Variants in GABBR2 observed in about 807,000 individuals in gnomAD.
The protein encoded by GABBR2 is gamma-aminobutyric acid type B receptor subunit 2.
Under a neutral mutation model 105.6 loss-of-function variants are expected in GABBR2, and 23 were observed. The ratio of observed to expected loss-of-function variants is 0.22; its 90% CI spans 0.16 to 0.31. The LOEUF (loss-of-function observed/expected upper bound fraction) is 0.31. Among genes scored for constraint, GABBR2 ranks in the 10% least tolerant of loss-of-function variants. GABBR2 has a pLI of 1.00. For synonymous variants in GABBR2, 478 were observed against 499.7 expected, an observed-to-expected ratio of 0.96 and a Z score of 0.58; for missense variants, 734 against 1,245.5, an observed-to-expected ratio of 0.59 and a Z score of 6.18.
chr9:98,388,654 TGTGTGTGC>T lies in GABBR2; in HGVS notation c.1529+192_1529+199del, dbSNP rs1271014725. 1.4e-5 allele frequency among the ~76,000 whole-genome samples: 2 copies of T among 143,074 alleles called. No homozygotes were observed. Among genetic ancestry groups the T allele is most frequent in the South Asian group, 2.2e-4 (1 of 4,622 alleles). The allele number at this position is 143,074 out of a possible 152,430, so 93.9% of individuals were successfully genotyped here. ...GTGTGTGTGTGTGTGTGTGTGTGTG[TGTGTGTGC>T]GTGCACGCACACACACGTACTCACA... On this transcript the variant is annotated intron_variant, in intron 10 of 18. Coordinates refer to ENST00000259455, the MANE Select transcript of GABBR2 (RefSeq NM_005458.8). This position sits in a 1 kb window ranked among gnomAD's most constrained non-coding sequence, Gnocchi z 4.4.
intron 3 of GABBR2, among the ~76,000 whole-genome samples, chr9:98,537,435 C>T (rs368914678): frequency 1.5e-4 from 22 of 151,672 alleles, no homozygotes; most frequent in South Asian, 1.0e-3. Context: ...TGGATTGTGG[C>T]GATGGTTGCA....
chr9:98,692,301 T>C (rs1191274631), intron 1 of GABBR2, among the ~76,000 whole-genome samples: 1 of 152,116 alleles, frequency 6.6e-6, no homozygotes, highest in Non-Finnish European at 1.5e-5. Context: ...CAGCATGAGG[T>C]CACCTCCCCT....
intron 3 of GABBR2, among the ~76,000 whole-genome samples, chr9:98,508,026 G>A (rs1289403863): frequency 2.0e-5 from 3 of 152,172 alleles, no homozygotes; most frequent in Non-Finnish European, 2.9e-5. Context: ...TTAGCCATCA[G>A]ACCTTATTGC....
At chr9:98,334,452 TCAC>T (rs1831080470) in intron 13 of GABBR2, among the ~76,000 whole-genome samples, 1 of 152,338 alleles carries the variant, frequency 6.6e-6, no homozygotes, top group African/African-American at 2.4e-5. Context: ...GCCAGTCAGG[TCAC>T]CTACTCAGCT....
intron 7 of GABBR2, among the ~76,000 whole-genome samples, chr9:98,422,333 C>T (rs1344070863): frequency 6.6e-6 from 1 of 152,190 alleles, no homozygotes; most frequent in Non-Finnish European, 1.5e-5. Context: ...CATGGGGCCT[C>T]AGGCACTTCT....
chr9:98,422,411 T>C (rs1194860091), intron 7 of GABBR2, among the ~76,000 whole-genome samples: 1 of 152,124 alleles, frequency 6.6e-6, no homozygotes, highest in Non-Finnish European at 1.5e-5. Flanking sequence ...TAAGTGTCCA[T>C]ATACTCTTTG....
rs555260923 is a variant in GABBR2 at position 98,323,847 on chromosome 9, G to A, written c.1894-12642C>T. 1.3e-4 allele frequency among the ~76,000 whole-genome samples: 20 copies of A among 152,318 alleles called. No homozygotes were observed. The South Asian group carries it at 3.9e-3, about 30-fold the overall frequency. ...AGTCCAAGCCCAGCTTGGCGTGAAT[G>A]GAGAGGTGACAGAACTAGAGTGCGA... is the stretch of plus-strand genomic sequence containing the variant. On this transcript the variant is annotated intron_variant, in intron 13 of 18. Transcript: ENST00000259455.
chr9:98,611,682 A>C (rs766811834), intron 1 of GABBR2, among the ~76,000 whole-genome samples: 1 of 152,208 alleles, frequency 6.6e-6, no homozygotes, highest in Non-Finnish European at 1.5e-5. Flanking sequence ...TTCAGAGCAC[A>C]CACCACTTTC....
At chr9:98,598,354 C>T (rs1046732227) in intron 1 of GABBR2, among the ~76,000 whole-genome samples, 12 of 152,168 alleles carry the variant, frequency 7.9e-5, no homozygotes, top group Non-Finnish European at 5.9e-5. Flanking sequence ...TCATACGCCA[C>T]ACCCATTGCA....
At chr9:98,651,849 C>T (rs559248674) in intron 1 of GABBR2, among the ~76,000 whole-genome samples, 2 of 152,222 alleles carry the variant, frequency 1.3e-5, no homozygotes, top group South Asian at 4.1e-4. Context: ...AAATTTGAAC[C>T]CTGACTGGAT....
At chr9:98,342,488 T>C (rs1429027809) in intron 13 of GABBR2, among the ~76,000 whole-genome samples, 1 of 152,024 alleles carries the variant, frequency 6.6e-6, no homozygotes, top group Non-Finnish European at 1.5e-5. Flanking sequence ...GAGAATGATG[T>C]GGTTAGAACT....
At position 98,362,575 on chromosome 9, in the gene GABBR2, T is replaced by C. The variant is rs373152310; in HGVS notation, c.1893+140A>G. 7 of 554,296 alleles carry C rather than the reference T, an allele frequency of 1.3e-5. No homozygotes were observed. In the South Asian group the frequency reaches 4.8e-4, roughly 38 times the overall value. The allele number at this position is 554,296 out of a possible 1,614,324, so 34.3% of individuals were successfully genotyped here. A position where few individuals can be genotyped will look rare whatever the true frequency, so the allele number is the denominator to read the frequency against. ...TATATTTGGCCTCCCTGGAATTACA[T>C]GTCTCAAATGGAAGGAAATGGAACT... is the stretch of plus-strand genomic sequence containing the variant. On this transcript the variant is annotated intron_variant, in intron 13 of 18. Transcript: ENST00000259455.
At chr9:98,654,833 C>G (rs1056202177) in intron 1 of GABBR2, among the ~76,000 whole-genome samples, 11 of 152,166 alleles carry the variant, frequency 7.2e-5, no homozygotes. Flanking sequence ...ATTGCCAAAA[C>G]TTGGAAGCCA....
rs773966859 is a variant in GABBR2, at chr9:98,289,080, GC to G, written c.*1503del. ...AAAAGTCACTGGGAGCCTCCCTCCA[GC>G]CCGGATGTTCTGGGTAGAGGGCTGT... is the stretch of plus-strand genomic sequence containing the variant. On this transcript the variant is annotated 3_prime_UTR_variant, in exon 19 of 19. Transcript: ENST00000259455. The G allele has an allele frequency of 1.3e-5, 2 of 152,660 alleles. No individual in the cohort carries two copies. Among genetic ancestry groups the G allele is most frequent in the Non-Finnish European group, 2.9e-5 (2 of 68,074 alleles). The allele number at this position is 152,660 out of a possible 1,614,324, so 9.5% of individuals were successfully genotyped here.
At chr9:98,432,129 C>A (rs1031420092) in intron 7 of GABBR2, among the ~76,000 whole-genome samples, 1 of 152,170 alleles carries the variant, frequency 6.6e-6, no homozygotes, top group African/African-American at 2.4e-5. Flanking sequence ...CTCCTGATCT[C>A]AAAGTGATCC....
chr9:98,708,355 G>A, intron 1 of GABBR2, 62 bp downstream of exon 1: 1 of 1,295,208 alleles, frequency 7.7e-7, no homozygotes, highest in South Asian at 2.4e-5. Flanking sequence ...GGTTGCCTGT[G>A]TCCAAACCAC....
chr9:98,678,743 A>G (rs987580203), intron 1 of GABBR2, among the ~76,000 whole-genome samples: 2 of 152,150 alleles, frequency 1.3e-5, no homozygotes. Flanking sequence ...AATTCATGCC[A>G]GTGACTGAGC....
intron 3 of GABBR2, among the ~76,000 whole-genome samples, chr9:98,541,390 C>T (rs1286810824): frequency 6.6e-6 from 1 of 151,414 alleles, no homozygotes; most frequent in Non-Finnish European, 1.5e-5. Context: ...AACACATACA[C>T]AAAACAAAAA....
In GABBR2 at chr9:98,684,865, C is replaced by A. The variant is rs145662210; in HGVS notation, c.321+23552G>T. ...CAAGGATGGAATTCTGGGCTTTCCT[C>A]AAGGCCAGCTGCTGCATCACCACCT... On this transcript the variant is annotated intron_variant, in intron 1 of 18. Coordinates refer to ENST00000259455, the MANE Select transcript of GABBR2 (RefSeq NM_005458.8). 5.5e-3 allele frequency among the ~76,000 whole-genome samples: 832 copies of A among 152,300 alleles called. 7 individuals are homozygous for A. The highest frequency in any genetic ancestry group is 0.02 in the Middle Eastern group (6 of 294).
Sources: gnomAD v4.1 joint callset for allele counts (sites outside exome capture counted in the v4.1 genomes callset) on GRCh38, gnomAD v4.1.1 for gene constraint, Gnocchi (gnomAD v3.1) non-coding constraint, MANE v1.5 for transcripts, NCBI Gene and HGNC (gene_info 2026-07-23, HGNC 2026-07-21) for gene names.